The following WWOX variants were observed in gnomAD, a reference collection of about 807,000 sequenced individuals.
The protein encoded by WWOX is WW domain-containing oxidoreductase.
A neutral mutation model predicts 46.2 loss-of-function variants in WWOX; 69 were observed. That is an observed-to-expected ratio of 1.49 (90% CI 1.23 to 1.82). WWOX has a LOEUF of 1.82. WWOX is among the 40% of genes most tolerant of loss of function. WWOX has a pLI of 0.00. For synonymous variants in WWOX, 359 were observed against 202.6 expected (o/e 1.77, Z -6.56); for missense variants, 919 against 542.6 (o/e 1.69, Z -6.89).
At chr16:78,891,303 C>T (rs116893407) in intron 8 of WWOX, 1 of 152,096 alleles carries the variant, frequency 6.6e-6, no homozygotes, top group Non-Finnish European at 1.5e-5. Context: ...CTGGCTTTCT[C>T]CTAAGTTCAC....
At chr16:78,636,425 G>C (rs1019747246) in intron 8 of WWOX, among the ~76,000 whole-genome samples, 14 of 152,174 alleles carry the variant, frequency 9.2e-5, no homozygotes, top group Non-Finnish European at 2.9e-5. Flanking sequence ...GCATCCAGTT[G>C]ATTGGGGAAT....
intron 8 of WWOX, among the ~76,000 whole-genome samples, chr16:78,722,954 A>G (rs1292211680): frequency 6.6e-6 from 1 of 152,118 alleles, no homozygotes; most frequent in Non-Finnish European, 1.5e-5. Flanking sequence ...AGGCAGGAAG[A>G]TTGCTTGAGC....
chr16:78,713,188 C>T (rs2048480538), intron 8 of WWOX, among the ~76,000 whole-genome samples: 2 of 148,112 alleles, frequency 1.4e-5, no homozygotes, highest in South Asian at 2.2e-4. Flanking sequence ...AGGAGGATTG[C>T]CTGAGCCTGG....
chr16:78,251,106 A>T (rs2037973380), intron 5 of WWOX, among the ~76,000 whole-genome samples: 1 of 152,204 alleles, frequency 6.6e-6, no homozygotes, highest in Non-Finnish European at 1.5e-5. Context: ...CTGCAGGTGC[A>T]GAGATGGCAA....
intron 8 of WWOX, among the ~76,000 whole-genome samples, chr16:78,910,301 T>A (rs748383111): frequency 6.6e-6 from 1 of 150,572 alleles, no homozygotes; most frequent in Non-Finnish European, 1.5e-5. Context: ...CATGACAAAA[T>A]GGATCCTCCA....
At chr16:79,046,900 G>A (rs972059612) in intron 8 of WWOX, among the ~76,000 whole-genome samples, 37 of 151,924 alleles carry the variant, frequency 2.4e-4, no homozygotes, top group African/African-American at 9.0e-4. Context: ...TTCCTAATAC[G>A]ATTGGTTACT....
chr16:78,882,766 G>A (rs551576196), intron 8 of WWOX, among the ~76,000 whole-genome samples: 2 of 151,594 alleles, frequency 1.3e-5, no homozygotes, highest in Non-Finnish European at 2.9e-5. Context: ...TGGGATTACA[G>A]GCATGAGCCA....
chr16:78,379,971 C>T (rs1190347413), intron 5 of WWOX, among the ~76,000 whole-genome samples: 1 of 152,198 alleles, frequency 6.6e-6, no homozygotes, highest in Non-Finnish European at 1.5e-5. Context: ...CTGGAAAACG[C>T]ATTCATCTTT....
At chr16:78,365,021 T>C (rs2081502186) in intron 5 of WWOX, among the ~76,000 whole-genome samples, 2 of 152,316 alleles carry the variant, frequency 1.3e-5, no homozygotes, top group South Asian at 4.2e-4. Context: ...GGTTGAGCTG[T>C]GGGTAATTCT....
chr16:78,577,312 G>A (rs77765652), intron 8 of WWOX, among the ~76,000 whole-genome samples: 2,788 of 152,228 alleles, frequency 0.018, 88 homozygotes, highest in African/African-American at 0.064. Context: ...GTGGTGCAGG[G>A]CAAATATATG....
intron 8 of WWOX, among the ~76,000 whole-genome samples, chr16:78,900,039 A>G (rs2044790017): frequency 6.7e-6 from 1 of 149,580 alleles, no homozygotes; most frequent in South Asian, 2.1e-4. Context: ...GAGATGTGCA[A>G]TATACAAGCC....
chr16:78,378,364 C>T (rs752915171), intron 5 of WWOX, among the ~76,000 whole-genome samples: 2 of 152,146 alleles, frequency 1.3e-5, no homozygotes, highest in African/African-American at 2.4e-5. Flanking sequence ...AACTCCCCAT[C>T]AGACTGGCAC....
chr16:78,668,227 C>T (rs998507705), intron 8 of WWOX, among the ~76,000 whole-genome samples: 2 of 152,140 alleles, frequency 1.3e-5, no homozygotes, highest in African/African-American at 4.8e-5. Flanking sequence ...TTGCAGTCAG[C>T]CGAGATCTAT....
intron 8 of WWOX, among the ~76,000 whole-genome samples, chr16:79,125,193 G>A (rs1482679484): frequency 1.3e-5 from 2 of 152,156 alleles, no homozygotes; most frequent in South Asian, 2.1e-4. Flanking sequence ...ATCTTAAAAT[G>A]TCCTTATAGA....
At chr16:78,446,325 G>A (rs12445856) in intron 8 of WWOX, among the ~76,000 whole-genome samples, 1,942 of 152,240 alleles carry the variant, frequency 0.013, 12 homozygotes, top group Middle Eastern at 0.027. Flanking sequence ...TTTAAAGGTC[G>A]AATTTTGCCA....
At chr16:79,001,529 A>G (rs985095616) in intron 8 of WWOX, among the ~76,000 whole-genome samples, 1 of 152,150 alleles carries the variant, frequency 6.6e-6, no homozygotes, top group African/African-American at 2.4e-5. Context: ...GTCGAAGTAC[A>G]TTTTGCCCAT....
At chr16:78,545,414 C>T (rs1038290602) in intron 8 of WWOX, among the ~76,000 whole-genome samples, 1 of 152,014 alleles carries the variant, frequency 6.6e-6, no homozygotes, top group Non-Finnish European at 1.5e-5. Flanking sequence ...GATGGGATTT[C>T]ATTATGTTGC....
chr16:78,428,134 G>A (rs552552898), intron 7 of WWOX, among the ~76,000 whole-genome samples: 73 of 152,174 alleles, frequency 4.8e-4, no homozygotes, highest in Non-Finnish European at 8.2e-4. Flanking sequence ...TGTGAGGGGC[G>A]GGGGTCCCCC....
intron 8 of WWOX, among the ~76,000 whole-genome samples, chr16:78,993,561 C>G (rs987240238): frequency 6.6e-6 from 1 of 152,164 alleles, no homozygotes; most frequent in Non-Finnish European, 1.5e-5. Flanking sequence ...AGCTGCGGGC[C>G]TGGGTGTACG....
Sources: allele counts gnomAD v4.1 joint callset (sites outside exome capture counted in the v4.1 genomes callset), GRCh38; gene constraint gnomAD v4.1.1; transcripts MANE v1.5; gene names NCBI Gene and HGNC (gene_info 2026-07-23, HGNC 2026-07-21).